The following GRM1 variants were observed in gnomAD, a reference collection of about 807,000 sequenced individuals.
The protein encoded by GRM1 is metabotropic glutamate receptor 1.
In GRM1, 33 loss-of-function variants were observed where a neutral mutation model predicts 90.9. That is an observed-to-expected ratio of 0.36 (90% CI 0.28 to 0.49). The LOEUF is 0.49. Ranked by LOEUF, GRM1 falls within the 20% of genes least tolerant of loss-of-function variation. The pLI is 0.99. For missense variants in GRM1, 1,190 were observed against 1,534.3 expected, an observed-to-expected ratio of 0.78 and a Z score of 3.75; for synonymous variants, 700 against 613.2, an observed-to-expected ratio of 1.14 and a Z score of -2.09.
intron 5 of GRM1, chr6:146,365,419 T>C (rs73579031): frequency 6.6e-6 from 1 of 152,214 alleles, no homozygotes; most frequent in Non-Finnish European, 1.5e-5. Flanking sequence ...TTTTTTGTTA[T>C]TACCTCAGAT....
chr6:146,308,900 T>G (rs1423806974), intron 3 of GRM1, among the ~76,000 whole-genome samples: 1 of 152,194 alleles, frequency 6.6e-6, no homozygotes, highest in Non-Finnish European at 1.5e-5. Flanking sequence ...TCTTAATGGC[T>G]GCTTAACATT....
At chr6:146,106,690 A>G (rs1775315956) in intron 1 of GRM1, among the ~76,000 whole-genome samples, 1 of 152,204 alleles carries the variant, frequency 6.6e-6, no homozygotes, top group South Asian at 2.1e-4. Context: ...GTGACTGCCA[A>G]CAAAATCCTT....
chr6:146,337,801 G>T (rs940625139), intron 3 of GRM1, among the ~76,000 whole-genome samples: 1 of 152,090 alleles, frequency 6.6e-6, no homozygotes, highest in African/African-American at 2.4e-5. Flanking sequence ...AAATAATGAG[G>T]CCACAAACAG....
intron 6 of GRM1, among the ~76,000 whole-genome samples, chr6:146,387,277 T>A (rs1258173095): frequency 1.3e-5 from 2 of 152,098 alleles, no homozygotes; most frequent in African/African-American, 4.8e-5. Flanking sequence ...CTGTTTTTCT[T>A]TAAATTGTAT....
chr6:146,096,269 CA>C (rs1277326369), intron 1 of GRM1, among the ~76,000 whole-genome samples: 1 of 152,120 alleles, frequency 6.6e-6, no homozygotes, highest in Admixed American at 6.6e-5. Flanking sequence ...ATGCTATCAC[CA>C]TTCTTCTTAA....
chr6:146,183,502 A>T (rs1778621569), intron 2 of GRM1, among the ~76,000 whole-genome samples: 1 of 152,182 alleles, frequency 6.6e-6, no homozygotes, highest in Admixed American at 6.5e-5. Flanking sequence ...ATATTAACTG[A>T]TAACACAGTA....
At chr6:146,138,531 T>G (rs1479542374) in intron 1 of GRM1, among the ~76,000 whole-genome samples, 1 of 152,118 alleles carries the variant, frequency 6.6e-6, no homozygotes, top group African/African-American at 2.4e-5. Flanking sequence ...CGGGAAACAT[T>G]TTATTACAGT....
At chr6:146,201,707 A>G (rs1238706839) in intron 2 of GRM1, among the ~76,000 whole-genome samples, 3 of 152,218 alleles carry the variant, frequency 2.0e-5, no homozygotes, top group Non-Finnish European at 4.4e-5. Context: ...CAATTGTTCT[A>G]TATGTTAACT....
chr6:146,288,885 C>T (rs1377597742), intron 2 of GRM1, among the ~76,000 whole-genome samples: 1 of 152,102 alleles, frequency 6.6e-6, no homozygotes, highest in African/African-American at 2.4e-5. Flanking sequence ...ATTCCCATCA[C>T]CTAGTGATGT....
chr6:146,047,666 A>G (rs1484485702), intron 1 of GRM1, among the ~76,000 whole-genome samples: 1 of 151,544 alleles, frequency 6.6e-6, no homozygotes, highest in Non-Finnish European at 1.5e-5. Flanking sequence ...CCCCTCTAGC[A>G]TCATGCACAG....
chr6:146,081,577 G>A (rs949672550), intron 1 of GRM1, among the ~76,000 whole-genome samples: 6 of 152,182 alleles, frequency 3.9e-5, no homozygotes, highest in African/African-American at 7.2e-5. Flanking sequence ...GGAGCAGCCC[G>A]TAGTTTGCAG....
At position 146,204,123 on chromosome 6, in the gene GRM1, T is replaced by C. The variant is rs191589954; in HGVS notation, c.950+44526T>C. On this transcript the variant is annotated intron_variant, in intron 2 of 7. Coordinates refer to ENST00000282753, the MANE Select transcript of GRM1 (RefSeq NM_001278064.2). ...GTCAAACTGATAACAGCCAGTCTTC[T>C]CTCTAGCTTTATGCATGTGTTAATT... is the stretch of plus-strand genomic sequence containing the variant. Among the ~76,000 whole-genome samples, 393 of 152,310 alleles carry C rather than the reference T, an allele frequency of 2.6e-3. 3 individuals are homozygous for C. Among genetic ancestry groups the C allele is most frequent in the African/African-American group, 9.1e-3 (379 of 41,562 alleles).
chr6:146,232,515 C>T (rs536144916), intron 2 of GRM1, among the ~76,000 whole-genome samples: 1 of 151,986 alleles, frequency 6.6e-6, no homozygotes, highest in African/African-American at 2.4e-5. Flanking sequence ...AAGCATTTAT[C>T]CTTTTTGTTA....
At chr6:146,257,595 G>A (rs569097562) in intron 2 of GRM1, among the ~76,000 whole-genome samples, 4 of 151,942 alleles carry the variant, frequency 2.6e-5, no homozygotes, top group Middle Eastern at 3.4e-3. Context: ...ATTGACTTAC[G>A]TAATTATAAA....
chr6:146,397,367 G>A (rs138163592), intron 6 of GRM1, among the ~76,000 whole-genome samples: 2 of 150,978 alleles, frequency 1.3e-5, no homozygotes, highest in East Asian at 3.9e-4. Context: ...CCAGCTACTC[G>A]GGAGACTGAG....
At chr6:146,202,828 C>T (rs1045456095) in intron 2 of GRM1, among the ~76,000 whole-genome samples, 1 of 152,100 alleles carries the variant, frequency 6.6e-6, no homozygotes, top group East Asian at 1.9e-4. Flanking sequence ...AAAAATTAGT[C>T]GAAGGCTCTA....
intron 2 of GRM1, among the ~76,000 whole-genome samples, chr6:146,294,286 T>C (rs1002270894): frequency 2.0e-5 from 3 of 151,972 alleles, no homozygotes; most frequent in East Asian, 3.8e-4. Flanking sequence ...TATTTTTCTT[T>C]ACATTCAAAT....
intron 2 of GRM1, among the ~76,000 whole-genome samples, chr6:146,166,754 G>A (rs1777921318): frequency 6.6e-6 from 1 of 151,884 alleles, no homozygotes; most frequent in Non-Finnish European, 1.5e-5. Context: ...ACCAGAATGG[G>A]GTCTGATGAC....
At chr6:146,256,387 A>G (rs1382915599) in intron 2 of GRM1, among the ~76,000 whole-genome samples, 5 of 152,124 alleles carry the variant, frequency 3.3e-5, no homozygotes, top group African/African-American at 7.2e-5. Flanking sequence ...GAGTTCCTCC[A>G]CTATACCACC....
Sources: allele counts gnomAD v4.1 joint callset (sites outside exome capture counted in the v4.1 genomes callset), GRCh38; gene constraint gnomAD v4.1.1; transcripts MANE v1.5; gene names NCBI Gene and HGNC (gene_info 2026-07-23, HGNC 2026-07-21).